NEK4: variants seen among roughly 807,000 people sequenced by gnomAD.
NEK4 encodes serine/threonine-protein kinase Nek4.
Under a neutral mutation model 98.4 loss-of-function variants are expected in NEK4, and 86 were observed. The observed-to-expected ratio is 0.87, with a 90% CI of 0.73 to 1.05. The LOEUF (loss-of-function observed/expected upper bound fraction) is 1.05. Ranked by LOEUF, NEK4 falls within the 50% of genes least tolerant of loss-of-function variation. The pLI, the probability that NEK4 is intolerant of heterozygous loss-of-function variation, is 0.00. For synonymous variants in NEK4, 328 were observed against 342.2 expected (o/e 0.96, Z 0.46); for missense variants, 898 against 950.3 (o/e 0.94, Z 0.72).
chr3:52,760,961 T>A (rs1197891569), intron 5 of NEK4, 25 bp from the exon 6 acceptor site: 1 of 1,451,106 alleles, frequency 6.9e-7, no homozygotes, highest in African/African-American at 1.4e-5. Context: ...AAAGAAAGAG[T>A]TATTATCAAT....
intron 15 of NEK4, among the ~76,000 whole-genome samples, chr3:52,735,724 G>A (rs564865304): frequency 2.0e-5 from 3 of 152,224 alleles, no homozygotes; most frequent in African/African-American, 7.2e-5. Context: ...CATGCCTGGG[G>A]AATGTTCCTT....
chr3:52,766,224 T>C lies in NEK4; in HGVS notation c.512A>G (p.Tyr171Cys), dbSNP rs965927095. Residue 171 changes from tyrosine to cysteine, a missense_variant, in exon 3 of 16, where the codon TAC (tyrosine) becomes TGC (cysteine). By Grantham distance (194) the Tyr-to-Cys change is radical. Transcript: ENST00000233027. ...DMASTLIGTP[Y>C]YMSPELFSNK... The stretch of plus-strand genomic sequence containing the variant: ...TGAGAACAATTCAGGGCTCATGTAG[T>C]AGGGTGTGCCAATGAGGGTGCTAGC... The C allele has an allele frequency of 9.9e-6, 16 of 1,614,162 alleles. No individual in the cohort carries two copies. The highest frequency in any genetic ancestry group is 1.3e-5 in the Non-Finnish European group (15 of 1,180,010).
In NEK4 at chr3:52,770,890, C is replaced by G; in HGVS notation, c.-144G>C. Reference sequence around the variant, plus strand: ...CGGGCCCGGGCGGGATTGCTGGGGCCCGGCCCGCGACGACGCCGCTGCCAT... The same window carrying G: ...CGGGCCCGGGCGGGATTGCTGGGGCGCGGCCCGCGACGACGCCGCTGCCAT... On this transcript the variant is annotated 5_prime_UTR_variant, in exon 1 of 16. Transcript: ENST00000233027. The G allele has an allele frequency of 1.5e-6, 1 of 679,908 alleles. No individual in the cohort carries two copies. Among genetic ancestry groups the G allele is most frequent in the East Asian group, 2.8e-5 (1 of 36,224 alleles). 42.1% of individuals were successfully genotyped at this position (679,908 alleles called of 1,614,324 possible). A position where few individuals can be genotyped will look rare whatever the true frequency, so the allele number is the denominator to read the frequency against.
At chr3:52,741,224 G>GA (rs1366433787) in intron 13 of NEK4, among the ~76,000 whole-genome samples, 187 bp downstream of exon 13, 1 of 105,628 alleles carries the variant, frequency 9.5e-6, no homozygotes, top group African/African-American at 3.9e-5. Context: ...CAACAAGAGC[G>GA]AAACTCCGTC....
In NEK4 at chr3:52,737,463, C is replaced by T; in HGVS notation, c.2433+123G>A. On this transcript the variant is annotated intron_variant, in intron 15 of 15. Transcript: ENST00000233027. ...TAATGACTGTACAATGTTGTAAACA[C>T]ATTAAAAACCACTGAATTATACACT... 4.0e-6 allele frequency: 4 copies of T among 1,006,592 alleles called. No individual in the cohort carries two copies. In the Admixed American group the frequency reaches 6.5e-5, roughly 16 times the overall value. The allele number at this position is 1,006,592 out of a possible 1,614,324, so 62.4% of individuals were successfully genotyped here.
chr3:52,754,738 T>C (rs963842872), intron 6 of NEK4: 1 of 458,810 alleles, frequency 2.2e-6, no homozygotes, highest in Non-Finnish European at 4.4e-6. Context: ...TGCTGGACTC[T>C]GGACTAGTTC....
intron 13 of NEK4, 71 bp from the exon 14 acceptor site, chr3:52,739,705 A>C (rs1160130743): frequency 1.5e-6 from 2 of 1,335,206 alleles, no homozygotes. Context: ...AATTACGTGC[A>C]AAACGACCTT....
intron 15 of NEK4, among the ~76,000 whole-genome samples, chr3:52,715,668 C>T (rs1045204869): frequency 1.3e-5 from 2 of 152,202 alleles, no homozygotes; most frequent in Admixed American, 1.3e-4. Context: ...GGATTACAGG[C>T]GTGAGCTACC....
At chr3:52,732,605 T>C (rs1456368857) in intron 15 of NEK4, 1 of 301,714 alleles carries the variant, frequency 3.3e-6, no homozygotes, top group South Asian at 4.3e-5. Flanking sequence ...TTGACATTCA[T>C]GGATGTGGCT....
intron 2 of NEK4, among the ~76,000 whole-genome samples, chr3:52,767,299 C>T (rs1484183598): frequency 1.3e-5 from 2 of 152,094 alleles, no homozygotes; most frequent in African/African-American, 4.8e-5. Context: ...AAAAACAATG[C>T]TTACAAACTC....
intron 8 of NEK4, among the ~76,000 whole-genome samples, 154 bp downstream of exon 8, chr3:52,749,538 A>G (rs2097401578): frequency 6.6e-6 from 1 of 152,094 alleles, no homozygotes; most frequent in African/African-American, 2.4e-5. Context: ...CAAAGTATAT[A>G]AAAAGATGCT....
intron 6 of NEK4, chr3:52,754,399 C>A: frequency 2.1e-6 from 1 of 481,444 alleles, no homozygotes; most frequent in South Asian, 1.7e-5. Context: ...CAAAAAGCCC[C>A]CTAAACCCAG....
At chr3:52,717,371 C>T (rs1457132026) in intron 15 of NEK4, among the ~76,000 whole-genome samples, 2 of 145,026 alleles carry the variant, frequency 1.4e-5, no homozygotes, top group Non-Finnish European at 3.0e-5. Flanking sequence ...CGCACCTCTG[C>T]ACTACAGCCT....
At chr3:52,745,073 G>A (rs1181532463) in intron 10 of NEK4, among the ~76,000 whole-genome samples, 1 of 151,674 alleles carries the variant, frequency 6.6e-6, no homozygotes, top group Non-Finnish European at 1.5e-5. Flanking sequence ...CCACCACAAC[G>A]CCCGGCTAAT....
intron 15 of NEK4, chr3:52,732,783 G>T: frequency 3.9e-6 from 1 of 253,526 alleles, no homozygotes; most frequent in Non-Finnish European, 8.6e-6. Context: ...GGACTCTGCA[G>T]GGTGAAGATA....
chr3:52,717,273 GGTGA>G (rs911950046), intron 15 of NEK4, among the ~76,000 whole-genome samples: 1 of 151,984 alleles, frequency 6.6e-6, no homozygotes, highest in Admixed American at 6.6e-5. Flanking sequence ...TGGGTGTGGT[GGTGA>G]GTGCCTATAA....
At chr3:52,725,565 T>G (rs1455333527) in intron 15 of NEK4, among the ~76,000 whole-genome samples, 1 of 151,996 alleles carries the variant, frequency 6.6e-6, no homozygotes, top group Non-Finnish European at 1.5e-5. Flanking sequence ...AAGATATACT[T>G]TTGTGACATC....
intron 15 of NEK4, among the ~76,000 whole-genome samples, chr3:52,720,642 C>G (rs557305843): frequency 3.3e-5 from 5 of 152,264 alleles, no homozygotes; most frequent in Admixed American, 3.3e-4. Context: ...AAAAAACTGT[C>G]AAACAAGAAT....
In NEK4 at chr3:52,768,065, C is replaced by T. The variant is rs1219483863; in HGVS notation, c.360+273G>A. ...ATAGTCACTCTATGCTCTTGGTTGC[C>T]TCAGGGTCCTTAAAATTGACTTTGC... On this transcript the variant is annotated intron_variant, in intron 2 of 15. Coordinates refer to ENST00000233027, the MANE Select transcript of NEK4 (RefSeq NM_003157.6). 8.5e-5 allele frequency among the ~76,000 whole-genome samples: 13 copies of T among 152,158 alleles called. 1 individual carries two copies. Among genetic ancestry groups the T allele is most frequent in the Admixed American group, 8.5e-4 (13 of 15,284 alleles).
Sources: gnomAD v4.1 joint callset for allele counts (sites outside exome capture counted in the v4.1 genomes callset) on GRCh38, gnomAD v4.1.1 for gene constraint, MANE v1.5 for transcripts, NCBI Gene and HGNC (gene_info 2026-07-23, HGNC 2026-07-21) for gene names.